Variants in TALDO1 observed in about 807,000 individuals in gnomAD.
TALDO1 encodes the protein transaldolase 1.
A neutral mutation model predicts 38.1 loss-of-function variants in TALDO1; 29 were observed. The observed-to-expected ratio is 0.76, with a 90% CI of 0.57 to 1.04. The LOEUF (loss-of-function observed/expected upper bound fraction) is 1.04, where lower values mean the gene tolerates loss of function less well. TALDO1 is among the 50% of genes least tolerant of loss of function. The pLI is 0.00. For missense variants in TALDO1, 499 were observed against 438.1 expected (o/e 1.14, Z -1.24); for synonymous variants, 207 against 176.8 (o/e 1.17, Z -1.36).
intron 1 of TALDO1, among the ~76,000 whole-genome samples, chr11:751,670 C>T (rs1290299588): frequency 6.6e-6 from 1 of 152,118 alleles, no homozygotes; most frequent in African/African-American, 2.4e-5. Context: ...TGGCAGGTGC[C>T]TGTAATCCCA....
rs763460151 is a variant in TALDO1 at position 764,781 on chromosome 11, G to A, written c.982-32G>A. On this transcript the variant is annotated intron_variant, in intron 7 of 7. Coordinates refer to ENST00000319006, the MANE Select transcript of TALDO1 (RefSeq NM_006755.2). The stretch of plus-strand genomic sequence containing the variant: ...CTTCAAGGTGCAGAAGGTAGGGTGG[G>A]GAGACACAGCTCGTGCTCTGTTTGT... The A allele has an allele frequency of 1.9e-5, 31 of 1,614,158 alleles. No individual in the cohort carries two copies. In the Middle Eastern group the frequency reaches 5.0e-4, roughly 26 times the overall value.
chr11:755,886 C>T lies in TALDO1; in HGVS notation c.105C>T (p.Asp35=). The T allele has an allele frequency of 1.1e-5, 18 of 1,614,194 alleles. No homozygotes were observed. Among genetic ancestry groups the T allele is most frequent in the East Asian group, 2.2e-5 (1 of 44,886 alleles). The change falls in exon 2 of 8, where the codon GAC becomes GAT. Residue 35 remains aspartate, a synonymous_variant. Coordinates refer to ENST00000319006, the MANE Select transcript of TALDO1 (RefSeq NM_006755.2). The part of the protein sequence containing the change: ...VADTGDFHAI[D]EYKPQDATTN... ...TGAAAACTATTTCCCTAGCCATCGACGAGTACAAGCCCCAGGATGCTACCA... is the reference window on the plus strand; with the variant it reads ...TGAAAACTATTTCCCTAGCCATCGATGAGTACAAGCCCCAGGATGCTACCA...
chr11:753,391 C>T (rs913342203), intron 1 of TALDO1, among the ~76,000 whole-genome samples: 30 of 152,180 alleles, frequency 2.0e-4, no homozygotes, highest in African/African-American at 5.3e-4. Flanking sequence ...ACTAGCCGGC[C>T]GCAGTGGCGG....
intron 1 of TALDO1, among the ~76,000 whole-genome samples, chr11:748,374 C>T (rs553867670): frequency 2.0e-5 from 3 of 151,848 alleles, no homozygotes; most frequent in Non-Finnish European, 4.4e-5. Flanking sequence ...CTGGATTTTC[C>T]TGGGCTTGAG....
chr11:752,087 T>C (rs1862761207), intron 1 of TALDO1, among the ~76,000 whole-genome samples: 1 of 151,952 alleles, frequency 6.6e-6, no homozygotes, highest in South Asian at 2.1e-4. Flanking sequence ...TCTTTTTTTT[T>C]GGAGGCGGAG....
intron 2 of TALDO1, 115 bp downstream of exon 2, chr11:756,117 A>G (rs760373935): frequency 2.1e-6 from 3 of 1,428,124 alleles, no homozygotes; most frequent in South Asian, 1.3e-5. Flanking sequence ...AAGGGGGGAA[A>G]AAAACCCTAT....
intron 2 of TALDO1, among the ~76,000 whole-genome samples, chr11:757,996 G>C (rs956869165): frequency 9.9e-5 from 15 of 152,178 alleles, no homozygotes; most frequent in Non-Finnish European, 1.9e-4. Context: ...AAATTAGCTG[G>C]GCATGGGCCA....
At chr11:755,126 C>T (rs898000639) in intron 1 of TALDO1, among the ~76,000 whole-genome samples, 30 of 141,330 alleles carry the variant, frequency 2.1e-4, no homozygotes, top group Non-Finnish European at 4.3e-4. Context: ...GAGTGCTTTT[C>T]CCCTTGGCCT....
intron 2 of TALDO1, among the ~76,000 whole-genome samples, chr11:757,087 C>T (rs529003545): frequency 2.6e-5 from 4 of 152,332 alleles, no homozygotes; most frequent in African/African-American, 9.6e-5. Context: ...AGTGGCTCCC[C>T]TGACCATGTT....
intron 2 of TALDO1, 195 bp downstream of exon 2, chr11:756,197 G>C: frequency 1.3e-6 from 1 of 782,454 alleles, no homozygotes; most frequent in Non-Finnish European, 2.0e-6. Flanking sequence ...TAAATGAGCA[G>C]TTCAGAGAGT....
rs1590072645 is a variant in TALDO1, at chr11:765,006, C to G, written c.*161C>G. ...TTTGCCTAATACATTAAAGCAGTCA[C>G]TTTTCCTGTGCTGTTTCATTCACTG... On this transcript the variant is annotated 3_prime_UTR_variant, in exon 8 of 8. Transcript: ENST00000319006. 1 of 919,388 alleles carries G rather than the reference C, an allele frequency of 1.1e-6. No individual in the cohort carries two copies. Among genetic ancestry groups the G allele is most frequent in the East Asian group, 2.6e-5 (1 of 38,170 alleles). The allele number at this position is 919,388 out of a possible 1,614,324, so 57.0% of individuals were successfully genotyped here. A position where few individuals can be genotyped will look rare whatever the true frequency, so the allele number is the denominator to read the frequency against.
chr11:755,405 A>C (rs531689497), intron 1 of TALDO1, among the ~76,000 whole-genome samples: 17 of 152,076 alleles, frequency 1.1e-4, no homozygotes, highest in African/African-American at 3.9e-4. Context: ...CAGCCTCCCA[A>C]AGTGCTGGGA....
intron 7 of TALDO1, 111 bp from the exon 8 acceptor site, chr11:764,702 A>C: frequency 6.4e-7 from 1 of 1,560,540 alleles, no homozygotes; most frequent in Non-Finnish European, 8.8e-7. Context: ...TGGCCCCCAC[A>C]CAGAGTGCAG....
rs773135701 is a variant in TALDO1 at position 764,799 on chromosome 11, CTGTT to C, written c.982-8_982-5del. The C allele has an allele frequency of 6.0e-5, 97 of 1,614,158 alleles. No individual in the cohort carries two copies. In the East Asian group the frequency reaches 6.7e-4, roughly 11 times the overall value. ...AGGGTGGGGAGACACAGCTCGTGCT[CTGTT>C]TGTTTCTAGGAACGAATGTTCAATG... On this transcript the variant is annotated splice_polypyrimidine_tract_variant and intron_variant, in intron 7 of 7. Coordinates refer to ENST00000319006, the MANE Select transcript of TALDO1 (RefSeq NM_006755.2).
chr11:759,326 A>G (rs538885777), intron 3 of TALDO1, among the ~76,000 whole-genome samples: 39 of 152,244 alleles, frequency 2.6e-4, no homozygotes, highest in Admixed American at 2.0e-3. Flanking sequence ...CAGTGGCGCA[A>G]TCTCAGCTCA....
chr11:748,532 G>C (rs577601072), intron 1 of TALDO1, among the ~76,000 whole-genome samples: 25 of 152,290 alleles, frequency 1.6e-4, no homozygotes, highest in African/African-American at 5.8e-4. Flanking sequence ...ATCATGAAAC[G>C]CTTCATGGAT....
rs7939103 is a variant in TALDO1, at chr11:764,854, T to C, written c.*9T>C. ...CAGAGAATGGAAAGTAGCGCATCCC[T>C]GAGGCTGGACTCCAGATCTGCACCG... On this transcript the variant is annotated 3_prime_UTR_variant, in exon 8 of 8. Transcript: ENST00000319006. 5,477 of 1,614,036 alleles carry C rather than the reference T, an allele frequency of 3.4e-3. 136 individuals are homozygous for C. In the African/African-American group the frequency reaches 0.062, roughly 18 times the overall value.
chr11:760,293 T>C, intron 4 of TALDO1, 40 bp downstream of exon 4: 1 of 1,611,108 alleles, frequency 6.2e-7, no homozygotes, highest in South Asian at 1.1e-5. Context: ...TCAGAGATTT[T>C]TCCTCTGTTG....
At chr11:751,545 G>A (rs1042755050) in intron 1 of TALDO1, among the ~76,000 whole-genome samples, 1 of 152,146 alleles carries the variant, frequency 6.6e-6, no homozygotes, top group African/African-American at 2.4e-5. Flanking sequence ...TGTAATCACA[G>A]CACTTTGGGA....
Sources: allele counts gnomAD v4.1 joint callset (sites outside exome capture counted in the v4.1 genomes callset), GRCh38; gene constraint gnomAD v4.1.1; transcripts MANE v1.5; gene names NCBI Gene and HGNC (gene_info 2026-07-23, HGNC 2026-07-21).